POLG: variants seen among roughly 807,000 people sequenced by gnomAD.
POLG encodes the protein DNA polymerase subunit gamma-1.
In POLG, 110 loss-of-function variants were observed where a neutral mutation model predicts 155.4. That is an observed-to-expected ratio of 0.71 (90% CI 0.61 to 0.83). The LOEUF (loss-of-function observed/expected upper bound fraction) is 0.83. Among genes scored for constraint, POLG ranks in the 40% least tolerant of loss-of-function variants. The pLI is 0.00. For synonymous variants in POLG, 701 were observed against 631.5 expected (o/e 1.11, Z -1.65); for missense variants, 1,685 against 1,627.5 (o/e 1.04, Z -0.61).
Position 89,326,947 on chromosome 15 carries a change from C to A in POLG, c.1550G>T (p.Gly517Val), listed in dbSNP as rs61752783. The A allele has an allele frequency of 6.3e-3, 10,228 of 1,614,202 alleles. 35 individuals are homozygous for A. The highest frequency in any genetic ancestry group is 7.6e-3 in the Non-Finnish European group (8,988 of 1,180,050). ...CATGGGATCACCAGGGGCCCCAGCC[C>A]CCTCGATGGGCAACTTGCTGGCTGT... is the stretch of plus-strand genomic sequence containing the variant. ...PATASKLPIE[G>V]AGAPGDPMDQ... Residue 517 changes from glycine (G) to valine (V), a missense_variant, in exon 8 of 23, where the codon GGG (glycine) becomes GTG (valine). Transcript: ENST00000268124.
Position 89,333,143 on chromosome 15 carries a change from T to C in POLG, c.612A>G (p.Ala204=), listed in dbSNP as rs1423629053. The C allele has an allele frequency of 6.5e-7, 1 of 1,533,922 alleles. No individual in the cohort carries two copies. Among genetic ancestry groups the C allele is most frequent in the Non-Finnish European group, 8.8e-7 (1 of 1,140,420 alleles). The change falls in exon 2 of 23, where the codon GCA becomes GCG. Residue 204 remains alanine, a synonymous_variant. Coordinates refer to ENST00000268124, the MANE Select transcript of POLG (RefSeq NM_002693.3). ...CCGCCAATGTGGGGCAAGTTCCCTC[T>C]GCCAAGCAGACCTCCACGTCGAACA... ...ALVFDVEVCL[A]EGTCPTLAVA...
rs755353519 is a variant in POLG, at chr15:89,328,641, G to A, written c.1170+44C>T. 5 of 1,612,668 alleles carry A rather than the reference G, an allele frequency of 3.1e-6. No homozygotes were observed. In the South Asian group the frequency reaches 4.4e-5, roughly 14 times the overall value. Reference sequence around the variant, plus strand: ...TGCATCTCCCCAAGTGCAGCTAGGGGTGTGCCACAGCCCATGTCCCCAGAG... The same window carrying A: ...TGCATCTCCCCAAGTGCAGCTAGGGATGTGCCACAGCCCATGTCCCCAGAG... On this transcript the variant is annotated intron_variant, in intron 5 of 22. Transcript: ENST00000268124.
At position 89,326,900 on chromosome 15, in the gene POLG, C is replaced by A; in HGVS notation, c.1585+12G>T. On this transcript the variant is annotated intron_variant, in intron 8 of 22. Transcript: ENST00000268124. ...CCCCTACCCTACCCTACCTCCCACC[C>A]ATGCTCCCCACCTTCCTGATCCATG... 1 of 1,614,026 alleles carries A rather than the reference C, an allele frequency of 6.2e-7. No individual in the cohort carries two copies. The highest frequency in any genetic ancestry group is 8.5e-7 in the Non-Finnish European group (1 of 1,179,992).
Position 89,328,723 on chromosome 15 carries a change from C to T in POLG, c.1132G>A (p.Val378Met). 1 of 1,614,172 alleles carries T rather than the reference C, an allele frequency of 6.2e-7. No individual in the cohort carries two copies. Among genetic ancestry groups the T allele is most frequent in the East Asian group, 2.2e-5 (1 of 44,882 alleles). Residue 378 changes from valine to methionine, a missense_variant, in exon 5 of 23, where the codon GTG becomes ATG. Physicochemically the swap from Val to Met is conservative, Grantham distance 21. Coordinates refer to ENST00000268124, the MANE Select transcript of POLG (RefSeq NM_002693.3). Reference sequence around the variant, plus strand: ...CGAATGTCCTTCATGGTGCCCTTCACAAACAGTTCTCGAGGCTCCTTCTCT... The same window carrying T: ...CGAATGTCCTTCATGGTGCCCTTCATAAACAGTTCTCGAGGCTCCTTCTCT... ...PLEKEPRELF[V>M]KGTMKDIREN... is the part of the protein sequence containing the mutation.
Position 89,329,071 on chromosome 15 carries a change from T to C in POLG, c.895A>G (p.Met299Val), listed in dbSNP as rs140262282. Residue 299 changes from methionine to valine, a missense_variant, in exon 4 of 23, where the codon ATG becomes GTG. By Grantham distance (21) the Met-to-Val change is conservative. Transcript: ENST00000268124. ...AAGCTGCTTAGCCCTGAGATGGCCA[T>C]GTGCATGCTCATGGTGTCCAGGAAA... ...MRFLDTMSMHMAISGLSSFQR... is the reference protein window; with the variant it reads ...MRFLDTMSMHVAISGLSSFQR... The C allele has an allele frequency of 5.6e-6, 9 of 1,612,838 alleles. No homozygotes were observed. In the African/African-American group the frequency reaches 6.7e-5, roughly 12 times the overall value.
intron 10 of POLG, among the ~76,000 whole-genome samples, chr15:89,325,135 T>TGAGTGAGTGAGTGAGA (rs2055475138): frequency 3.3e-5 from 1 of 30,542 alleles, no homozygotes; most frequent in Admixed American, 4.3e-4. Flanking sequence ...AGTGAGAGAG[T>TGAGTGAGTGAGTGAGA]GAGTGAGAGA....
Position 89,328,534 on chromosome 15 carries a change from T to C in POLG, c.1172A>G (p.Asp391Gly). Residue 391 changes from aspartate to glycine, a missense_variant and splice_region_variant, in exon 6 of 23, where the codon GAC becomes GGC. Coordinates refer to ENST00000268124, the MANE Select transcript of POLG (RefSeq NM_002693.3). ...GTCCTGGGCACAGTACTGCATCAGGTCCTGGCACAAGGTGACAGGAAGGCG... is the reference window on the plus strand; with the variant it reads ...GTCCTGGGCACAGTACTGCATCAGGCCCTGGCACAAGGTGACAGGAAGGCG... ...TMKDIRENFQ[D>G]LMQYCAQDVW... 6.2e-7 allele frequency: 1 copy of C among 1,613,674 alleles called. No homozygotes were observed. Among genetic ancestry groups the C allele is most frequent in the Admixed American group, 1.7e-5 (1 of 60,018 alleles).
At chr15:89,331,438 A>G (rs1322452040) in intron 2 of POLG, among the ~76,000 whole-genome samples, 2 of 152,238 alleles carry the variant, frequency 1.3e-5, no homozygotes, top group Non-Finnish European at 2.9e-5. Flanking sequence ...GTCAAGATGC[A>G]GCTCTGCAGC....
chr15:89,328,282 A>C (rs967905291), intron 6 of POLG, among the ~76,000 whole-genome samples, 174 bp downstream of exon 6: 1 of 152,160 alleles, frequency 6.6e-6, no homozygotes, highest in African/African-American at 2.4e-5. Context: ...GGCCTCTGTC[A>C]AATCCAGAGT....
chr15:89,325,177 A>AGT (rs2055482585), intron 10 of POLG, among the ~76,000 whole-genome samples: 2 of 93,616 alleles, frequency 2.1e-5, no homozygotes, highest in South Asian at 3.8e-4. Flanking sequence ...TGAGAGAGTG[A>AGT]GAGAGTGAGT....
In POLG at chr15:89,319,282, C is replaced by T; in HGVS notation, c.3050G>A (p.Gly1017Asp). ...ELNLPVDRTE[G>D]GWISLQDLRK... is the part of the protein sequence containing the mutation. ...CAGATCCTGCAGGGAAATCCAGCCA[C>T]CCTCAGTCCTGTCCACTGGGAGGTT... Residue 1017 changes from glycine to aspartate, a missense_variant, in exon 19 of 23, where the codon GGT becomes GAT. By Grantham distance (94) the Gly-to-Asp change is moderately conservative (BLOSUM62 -1). Transcript: ENST00000268124. The T allele has an allele frequency of 3.7e-6, 6 of 1,614,206 alleles. No individual in the cohort carries two copies. The highest frequency in any genetic ancestry group is 5.1e-6 in the Non-Finnish European group (6 of 1,180,028).
chr15:89,325,041 T>TGAGAGTGAGA lies in POLG; in HGVS notation c.1949+408_1949+409insTCTCACTCTC, dbSNP rs748226652. Reference sequence around the variant, plus strand: ...GAAGAAAAAACCTGAACCCAGAGAGTGAGTGAGTGAGTGAGAGAGTGAGTG... The same window carrying TGAGAGTGAGA: ...GAAGAAAAAACCTGAACCCAGAGAGTGAGAGTGAGAGAGTGAGTGAGTGAGAGAGTGAGTG... On this transcript the variant is annotated intron_variant, in intron 10 of 22. Transcript: ENST00000268124. Among the ~76,000 whole-genome samples, 16 of 52,026 alleles carry TGAGAGTGAGA rather than the reference T, an allele frequency of 3.1e-4. 1 individual carries two copies. The highest frequency in any genetic ancestry group is 1.2e-3 in the African/African-American group (15 of 12,678). The allele number at this position is 52,026 out of a possible 152,430, so 34.1% of individuals were successfully genotyped here.
Position 89,321,738 on chromosome 15 carries a change from GGGCATTGCT to G in POLG, c.2587_2595del (p.Ser863_Ala865del). 6.2e-7 allele frequency: 1 copy of G among 1,608,232 alleles called. No homozygotes were observed. The highest frequency in any genetic ancestry group is 8.5e-7 in the Non-Finnish European group (1 of 1,174,890). ...CCAGAGGTACAGAGGTCACATACCC[GGGCATTGCT>G]GGCGGTGAGCCATGTGGGCTCCACA... is the stretch of plus-strand genomic sequence containing the variant. On this transcript the variant is annotated inframe_deletion, in exon 16 of 23. Coordinates refer to ENST00000268124, the MANE Select transcript of POLG (RefSeq NM_002693.3).
intron 21 of POLG, 26 bp from the exon 22 acceptor site, chr15:89,317,562 C>T: frequency 6.2e-7 from 1 of 1,610,662 alleles, no homozygotes; most frequent in Non-Finnish European, 8.5e-7. Context: ...TCTACTCTCA[C>T]AGTCATGCCC....
chr15:89,332,173 A>T (rs573437867), intron 2 of POLG: 46 of 152,340 alleles, frequency 3.0e-4, no homozygotes, highest in Admixed American at 1.5e-3. Flanking sequence ...AACTCAATCA[A>T]TGCAGAATCA....
intron 8 of POLG, 30 bp downstream of exon 8, chr15:89,326,882 C>T (rs894174920): frequency 1.2e-6 from 2 of 1,613,572 alleles, no homozygotes; most frequent in Admixed American, 1.7e-5. Flanking sequence ...CAACCCCTAC[C>T]CTACCCTACC....
At chr15:89,325,167 T>TGAGAGAGTGAGA in intron 10 of POLG, among the ~76,000 whole-genome samples, 1 of 38,574 alleles carries the variant, frequency 2.6e-5, no homozygotes, top group African/African-American at 1.5e-4. Context: ...AGTGAGTGAG[T>TGAGAGAGTGAGA]GAGAGAGTGA....
intron 13 of POLG, 143 bp from the exon 14 acceptor site, chr15:89,323,045 GCGCACGCGCGCACGCACA>G: frequency 1.5e-6 from 1 of 679,324 alleles, no homozygotes; most frequent in Non-Finnish European, 2.3e-6. Context: ...TCACGCACGC[GCGCACGCGCGCACGCACA>G]CACACACGTG....
rs147962690 is a variant in POLG, at chr15:89,325,207, A to T, written c.1949+243T>A. ...GTGAGTGAGTGAGAGAGTGAGTGAGAGAGTGAGTGAGTGAGAGAGTGAGTG... is the reference window on the plus strand; with the variant it reads ...GTGAGTGAGTGAGAGAGTGAGTGAGTGAGTGAGTGAGTGAGAGAGTGAGTG... On this transcript the variant is annotated intron_variant, in intron 10 of 22. Coordinates refer to ENST00000268124, the MANE Select transcript of POLG (RefSeq NM_002693.3). Among the ~76,000 whole-genome samples, 175 of 67,280 alleles carry T rather than the reference A, an allele frequency of 2.6e-3. 26 individuals carry two copies. Among genetic ancestry groups the T allele is most frequent in the African/African-American group, 0.018 (117 of 6,438 alleles). 44.1% of individuals were successfully genotyped at this position (67,280 alleles called of 152,430 possible).
Sources: gnomAD v4.1 joint callset for allele counts (sites outside exome capture counted in the v4.1 genomes callset) on GRCh38, gnomAD v4.1.1 for gene constraint, MANE v1.5 for transcripts, NCBI Gene and HGNC (gene_info 2026-07-23, HGNC 2026-07-21) for gene names.